The following LRRC20 variants were observed in gnomAD, a reference collection of about 807,000 sequenced individuals.
LRRC20 encodes leucine-rich repeat-containing protein 20.
LRRC20 carries 11 observed loss-of-function variants against 14.4 expected under a neutral mutation model. The observed-to-expected ratio is 0.77, with a 90% CI of 0.48 to 1.27. The LOEUF is 1.27. LRRC20 is among the 50% of genes most tolerant of loss of function. The pLI, the probability that LRRC20 is intolerant of heterozygous loss-of-function variation, is 0.00. For synonymous variants in LRRC20, 121 were observed against 107.3 expected, an observed-to-expected ratio of 1.13 and a Z score of -0.79; for missense variants, 219 against 251.2, an observed-to-expected ratio of 0.87 and a Z score of 0.87.
rs570101321 is a variant in LRRC20 at position 70,358,793 on chromosome 10, C to T, written c.82+17659G>A. Among the ~76,000 whole-genome samples, 9 of 152,300 alleles carry T rather than the reference C, an allele frequency of 5.9e-5. No homozygotes were observed. In the East Asian group the frequency reaches 1.7e-3, roughly 29 times the overall value. ...CTTAGCGTGGGACCTGGACTGTTTT[C>T]TCCTGGCTGGTAGAGATCTGCAGCC... On this transcript the variant is annotated intron_variant, in intron 2 of 4. Coordinates refer to ENST00000446961, the MANE Select transcript of LRRC20 (RefSeq NM_001278212.2).
intron 2 of LRRC20, among the ~76,000 whole-genome samples, chr10:70,346,723 T>C (rs751846612): frequency 7.9e-5 from 12 of 152,170 alleles, no homozygotes; most frequent in Non-Finnish European, 1.5e-4. Flanking sequence ...CTAACAGTGG[T>C]TATTTCAAAG....
chr10:70,303,605 C>T (rs960357117), intron 4 of LRRC20, among the ~76,000 whole-genome samples: 2 of 152,194 alleles, frequency 1.3e-5, no homozygotes, highest in African/African-American at 4.8e-5. Context: ...AGGGCATTTT[C>T]CAACACTCAT....
rs549703293 is a variant in LRRC20 at position 70,328,937 on chromosome 10, A to G, written c.233-4907T>C. Reference sequence around the variant, plus strand: ...AGACTCTCTTAGAGATAGAAGACACATGACACTTGGTTCCTGGATTATGGA... The same window carrying G: ...AGACTCTCTTAGAGATAGAAGACACGTGACACTTGGTTCCTGGATTATGGA... On this transcript the variant is annotated intron_variant, in intron 3 of 4. Transcript: ENST00000446961. 2.0e-5 allele frequency among the ~76,000 whole-genome samples: 3 copies of G among 152,336 alleles called. No individual in the cohort carries two copies. The South Asian group carries it at 6.2e-4, about 32-fold the overall frequency.
Position 70,301,117 on chromosome 10 carries a change from A to G in LRRC20, c.*237T>C. The G allele has an allele frequency of 4.5e-6, 6 of 1,341,808 alleles. No homozygotes were observed. Among genetic ancestry groups the G allele is most frequent in the Non-Finnish European group, 4.8e-6 (5 of 1,049,138 alleles). 83.1% of individuals were successfully genotyped at this position (1,341,808 alleles called of 1,614,324 possible). On this transcript the variant is annotated 3_prime_UTR_variant, in exon 5 of 5. Coordinates refer to ENST00000446961, the MANE Select transcript of LRRC20 (RefSeq NM_001278212.2). The stretch of plus-strand genomic sequence containing the variant: ...GCAGGAGATCTGCCTGAGTTTGCAC[A>G]GCAGCTGTGAGTGCCGAGTCCAGGC...
intron 1 of LRRC20, among the ~76,000 whole-genome samples, chr10:70,378,114 A>G (rs979799274): frequency 3.3e-5 from 5 of 152,222 alleles, no homozygotes; most frequent in Non-Finnish European, 5.9e-5. Flanking sequence ...ATAAAAGTTA[A>G]GAGGATAAAG....
intron 2 of LRRC20, among the ~76,000 whole-genome samples, chr10:70,374,853 A>G (rs1283781655): frequency 6.6e-6 from 1 of 152,156 alleles, no homozygotes; most frequent in African/African-American, 2.4e-5. Flanking sequence ...GCTGCCATTT[A>G]TTGAGCTCCC....
chr10:70,360,958 G>C (rs1843695509), intron 2 of LRRC20, among the ~76,000 whole-genome samples: 1 of 151,874 alleles, frequency 6.6e-6, no homozygotes, highest in East Asian at 1.9e-4. Context: ...GCTGAGGTGG[G>C]AGGACCACTT....
chr10:70,381,846 G>C (rs1053558227), intron 1 of LRRC20: 1 of 152,320 alleles, frequency 6.6e-6, no homozygotes. Context: ...TTGTTTTTGT[G>C]GCATGGGGTT....
chr10:70,324,417 C>T (rs1842237064), intron 3 of LRRC20, among the ~76,000 whole-genome samples: 1 of 152,226 alleles, frequency 6.6e-6, no homozygotes, highest in Non-Finnish European at 1.5e-5. Context: ...GGGCTCCCCA[C>T]ACTCCATTTA....
chr10:70,370,715 C>T (rs902855951), intron 2 of LRRC20, among the ~76,000 whole-genome samples: 1 of 152,118 alleles, frequency 6.6e-6, no homozygotes, highest in Non-Finnish European at 1.5e-5. Flanking sequence ...TGCACTCCAG[C>T]CTAGGCAACA....
At chr10:70,317,572 C>A (rs1841909585) in intron 4 of LRRC20, among the ~76,000 whole-genome samples, 1 of 152,038 alleles carries the variant, frequency 6.6e-6, no homozygotes, top group Non-Finnish European at 1.5e-5. Context: ...GAGATGGGGG[C>A]CTCACTATGT....
chr10:70,332,012 G>A lies in LRRC20; in HGVS notation c.233-7982C>T, dbSNP rs1163211264. Reference sequence around the variant, plus strand: ...GGCCTGCAGTAATTATACAACCCATGCTCGAAGGAATGTGCCAACTCCAAA... The same window carrying A: ...GGCCTGCAGTAATTATACAACCCATACTCGAAGGAATGTGCCAACTCCAAA... On this transcript the variant is annotated intron_variant, in intron 3 of 4. Transcript: ENST00000446961. Among the ~76,000 whole-genome samples the A allele has an allele frequency of 2.0e-5, 3 of 152,196 alleles. No homozygotes were observed. In the East Asian group the frequency reaches 5.8e-4, roughly 29 times the overall value.
intron 3 of LRRC20, among the ~76,000 whole-genome samples, chr10:70,335,965 C>T (rs957463451): frequency 6.6e-6 from 1 of 152,196 alleles, no homozygotes; most frequent in African/African-American, 2.4e-5. Flanking sequence ...CGTGGACAAA[C>T]GTCTGCTGCA....
At chr10:70,312,268 G>A (rs953823459) in intron 4 of LRRC20, among the ~76,000 whole-genome samples, 2 of 152,166 alleles carry the variant, frequency 1.3e-5, no homozygotes, top group Non-Finnish European at 2.9e-5. Context: ...GCTGTGCTGC[G>A]CTAAGCTGCA....
At chr10:70,342,236 G>T (rs906877805) in intron 2 of LRRC20, among the ~76,000 whole-genome samples, 2 of 151,966 alleles carry the variant, frequency 1.3e-5, no homozygotes, top group Non-Finnish European at 2.9e-5. Flanking sequence ...CTTCAACCTG[G>T]GAGGCAAAGG....
intron 3 of LRRC20, among the ~76,000 whole-genome samples, chr10:70,327,219 T>C (rs1842361786): frequency 6.6e-6 from 1 of 152,218 alleles, no homozygotes; most frequent in African/African-American, 2.4e-5. Context: ...TGGTCAAACA[T>C]GATTTCTGGA....
At chr10:70,331,066 T>G (rs933114039) in intron 3 of LRRC20, among the ~76,000 whole-genome samples, 1 of 152,170 alleles carries the variant, frequency 6.6e-6, no homozygotes, top group African/African-American at 2.4e-5. Context: ...GACGTGGACT[T>G]GGGGATCTCT....
intron 4 of LRRC20, among the ~76,000 whole-genome samples, chr10:70,306,606 C>A (rs1461190806): frequency 6.6e-6 from 1 of 152,202 alleles, no homozygotes; most frequent in Non-Finnish European, 1.5e-5. Flanking sequence ...TCTATTGTTA[C>A]TTTTGATCAC....
At chr10:70,360,792 C>T (rs1035792467) in intron 2 of LRRC20, among the ~76,000 whole-genome samples, 3 of 152,134 alleles carry the variant, frequency 2.0e-5, no homozygotes, top group Admixed American at 6.5e-5. Context: ...TTGTGTCTCA[C>T]ATGAAAGTTG....
Sources: gnomAD v4.1 joint callset for allele counts (sites outside exome capture counted in the v4.1 genomes callset) on GRCh38, gnomAD v4.1.1 for gene constraint, MANE v1.5 for transcripts, NCBI Gene and HGNC (gene_info 2026-07-23, HGNC 2026-07-21) for gene names.